SPRR2G: variants seen among roughly 807,000 people sequenced by gnomAD.
The protein encoded by SPRR2G is small proline rich protein 2G.
SPRR2G carries 1 observed loss-of-function variant against 0.7 expected under a neutral mutation model. That is an observed-to-expected ratio of 1.49 (90% CI 0.53 to 7.06). SPRR2G has a LOEUF of 7.06. SPRR2G is among the 30% of genes most tolerant of loss of function. The pLI, the probability that SPRR2G is intolerant of heterozygous loss-of-function variation, is 0.14. For synonymous variants in SPRR2G, 38 were observed against 33.9 expected (o/e 1.12, Z -0.42); for missense variants, 96 against 88.5 (o/e 1.09, Z -0.34).
At chr1:153,169,137 T>C in the SPRR2G span, among the ~76,000 whole-genome samples, 1 of 152,138 alleles carries the variant, frequency 6.6e-6, no homozygotes, top group South Asian at 2.1e-4. Flanking sequence ...ACCTTTAGGC[T>C]TTCTTCCCTC....
At chr1:153,165,899 C>A in the SPRR2G span, among the ~76,000 whole-genome samples, 1 of 152,144 alleles carries the variant, frequency 6.6e-6, no homozygotes, top group Non-Finnish European at 1.5e-5. Flanking sequence ...CTTCATGGCC[C>A]CACCAATAGC....
chr1:153,155,116 A>T (rs2101650103), upstream of SPRR2G, among the ~76,000 whole-genome samples: 1 of 152,278 alleles, frequency 6.6e-6, no homozygotes, highest in Middle Eastern at 3.4e-3. Flanking sequence ...TTACCATCCT[A>T]TGCATTCTCT....
At chr1:153,186,719 G>A in the SPRR2G span, among the ~76,000 whole-genome samples, 1 of 152,244 alleles carries the variant, frequency 6.6e-6, no homozygotes, top group Non-Finnish European at 1.5e-5. Flanking sequence ...ATATTGTTAT[G>A]TGTGAATTTG....
At chr1:153,151,212 A>G (rs138885511), upstream of SPRR2G, among the ~76,000 whole-genome samples, 45 of 151,928 alleles carry the variant, frequency 3.0e-4, no homozygotes, top group African/African-American at 1.0e-3. Context: ...ATGTAAAACT[A>G]CTCCCATTCA....
At chr1:153,186,100 C>A in the SPRR2G span, among the ~76,000 whole-genome samples, 1 of 152,102 alleles carries the variant, frequency 6.6e-6, no homozygotes, top group Non-Finnish European at 1.5e-5. Flanking sequence ...AATTTCCATT[C>A]TTTTGCATTT....
the SPRR2G span, chr1:153,190,259 A>G: frequency 6.6e-6 from 1 of 152,518 alleles, no homozygotes; most frequent in Non-Finnish European, 1.5e-5. Flanking sequence ...AAGACTGCGC[A>G]GCAAAGCAGA....
At chr1:153,195,772 C>A in the SPRR2G span, among the ~76,000 whole-genome samples, 1 of 152,274 alleles carries the variant, frequency 6.6e-6, no homozygotes, top group Non-Finnish European at 1.5e-5. Flanking sequence ...TGAGATGACT[C>A]TTCCTTTCCT....
the SPRR2G span, among the ~76,000 whole-genome samples, chr1:153,199,396 C>A: frequency 1.3e-5 from 2 of 152,184 alleles, no homozygotes; most frequent in Non-Finnish European, 2.9e-5. Context: ...CAACACCCAG[C>A]CAGCAGGGAG....
the SPRR2G span, among the ~76,000 whole-genome samples, chr1:153,198,700 G>C: frequency 1.5e-3 from 229 of 152,278 alleles, no homozygotes; most frequent in African/African-American, 5.0e-3. Context: ...GGGCATGTTA[G>C]GAAAAATGTG....
chr1:153,193,216 A>G, the SPRR2G span, among the ~76,000 whole-genome samples: 2 of 152,122 alleles, frequency 1.3e-5, no homozygotes, highest in Non-Finnish European at 2.9e-5. Flanking sequence ...CCTCTACATC[A>G]TTCCTGGAGG....
chr1:153,179,698 G>C, the SPRR2G span, among the ~76,000 whole-genome samples: 1 of 151,058 alleles, frequency 6.6e-6, no homozygotes, highest in Non-Finnish European at 1.5e-5. Flanking sequence ...TCTGCCTTAA[G>C]CTTATTATCA....
chr1:153,194,079 G>GT, the SPRR2G span, among the ~76,000 whole-genome samples: 3 of 152,028 alleles, frequency 2.0e-5, no homozygotes, highest in Admixed American at 2.0e-4. Context: ...TCTTGAGCTT[G>GT]TACCCAGGCT....
chr1:153,200,178 A>T, the SPRR2G span, among the ~76,000 whole-genome samples: 2 of 152,164 alleles, frequency 1.3e-5, no homozygotes, highest in Non-Finnish European at 2.9e-5. Flanking sequence ...CTTCCTACTC[A>T]AAAGTGAAAT....
the SPRR2G span, among the ~76,000 whole-genome samples, chr1:153,177,940 C>T: frequency 6.6e-6 from 1 of 151,434 alleles, no homozygotes; most frequent in South Asian, 2.1e-4. Flanking sequence ...AGGACTGATA[C>T]ATTCAAAATA....
rs150167452 is a variant in SPRR2G, at chr1:153,150,886, A to G, written c.-56T>C. 56 of 152,750 alleles carry G rather than the reference A, an allele frequency of 3.7e-4. No individual in the cohort carries two copies. The highest frequency in any genetic ancestry group is 6.1e-4 in the Non-Finnish European group (42 of 68,340). 9.5% of individuals were successfully genotyped at this position (152,750 alleles called of 1,614,324 possible). ...CAAAGATCTACAACTGAATGGCAAG[A>G]AGATAGCATCAGTGTGGTGGAGAGT... On this transcript the variant is annotated 5_prime_UTR_variant, in exon 1 of 2. Transcript: ENST00000368748.
chr1:153,170,736 T>C, the SPRR2G span, among the ~76,000 whole-genome samples: 2 of 152,136 alleles, frequency 1.3e-5, no homozygotes, highest in Admixed American at 6.6e-5. Flanking sequence ...CAGACCCACA[T>C]ACCAGGCCCC....
At chr1:153,197,774 G>T in the SPRR2G span, among the ~76,000 whole-genome samples, 8 of 152,218 alleles carry the variant, frequency 5.3e-5, no homozygotes, top group South Asian at 1.5e-3. Flanking sequence ...TTTTCAAATT[G>T]TATATAGAAG....
chr1:153,180,907 A>G, the SPRR2G span, among the ~76,000 whole-genome samples: 1 of 152,334 alleles, frequency 6.6e-6, no homozygotes, highest in African/African-American at 2.4e-5. Flanking sequence ...GGAAATACAG[A>G]AATGCCCTTT....
the SPRR2G span, among the ~76,000 whole-genome samples, chr1:153,189,694 GC>G: frequency 4.6e-5 from 7 of 152,170 alleles, no homozygotes; most frequent in African/African-American, 1.7e-4. Flanking sequence ...CATAAGATGG[GC>G]CATGACAAGG....
Sources: allele counts gnomAD v4.1 joint callset (sites outside exome capture counted in the v4.1 genomes callset), GRCh38; gene constraint gnomAD v4.1.1; transcripts MANE v1.5; gene names NCBI Gene and HGNC (gene_info 2026-07-23, HGNC 2026-07-21).